TPM3: variants seen among roughly 807,000 people sequenced by gnomAD.
TPM3 encodes the protein tropomyosin 3, also known as tropomyosin alpha-3 chain.
TPM3 carries 16 observed loss-of-function variants against 43.1 expected under a neutral mutation model. That is an observed-to-expected ratio of 0.37 (90% confidence interval 0.25 to 0.56). TPM3 has a LOEUF of 0.56. Ranked by LOEUF, TPM3 falls within the 20% of genes least tolerant of loss-of-function variation. The probability of loss-of-function intolerance (pLI) is 0.77; values close to 1 mark genes in which losing one functional copy is unlikely to be tolerated. For missense variants in TPM3, 176 were observed against 337.2 expected, an observed-to-expected ratio of 0.52 and a Z score of 3.74; for synonymous variants, 101 against 116.9, an observed-to-expected ratio of 0.86 and a Z score of 0.88.
chr1:154,164,922 C>T lies in TPM3; in HGVS notation c.*3015G>A, dbSNP rs1207872451. 6.6e-6 allele frequency among the ~76,000 whole-genome samples: 1 copy of T among 152,226 alleles called. No individual in the cohort carries two copies. The highest frequency in any genetic ancestry group is 1.5e-5 in the Non-Finnish European group (1 of 68,036). ...ATATGTTATTCAGATCACAACATAT[C>T]CTATTCAAAATCTCCAGTGGCATCC... is the stretch of plus-strand genomic sequence containing the variant. On this transcript the variant is annotated 3_prime_UTR_variant, in exon 10 of 10. Coordinates refer to ENST00000651641, the MANE Select transcript of TPM3 (RefSeq NM_152263.4).
chr1:154,159,991 C>CTTTTT (rs60242183), downstream of TPM3, among the ~76,000 whole-genome samples: 2 of 129,866 alleles, frequency 1.5e-5, no homozygotes, highest in Admixed American at 7.8e-5. Context: ...AAGTTATTTC[C>CTTTTT]TTTTTTTTTT....
At position 154,176,182 on chromosome 1, in the gene TPM3, G is replaced by C; in HGVS notation, c.310C>G (p.Gln104Glu). 6.2e-7 allele frequency: 1 copy of C among 1,614,178 alleles called. No homozygotes were observed. The highest frequency in any genetic ancestry group is 8.5e-7 in the Non-Finnish European group (1 of 1,180,040). Reference sequence around the variant, plus strand: ...TGCAGGGCAGTGGCCAGGCGCTCCTGAGCACGGTCCAGCTCTTCTTCAACC... The same window carrying C: ...TGCAGGGCAGTGGCCAGGCGCTCCTCAGCACGGTCCAGCTCTTCTTCAACC... ...QLVEEELDRA[Q>E]ERLATALQKL... is the part of the protein sequence containing the mutation. Residue 104 changes from glutamine to glutamate, a missense_variant, in exon 3 of 10, where the codon CAG becomes GAG. Transcript: ENST00000651641.
At chr1:154,181,927 A>C (rs1662996310) in intron 2 of TPM3, among the ~76,000 whole-genome samples, 1 of 152,174 alleles carries the variant, frequency 6.6e-6, no homozygotes, top group South Asian at 2.1e-4. Context: ...TCTCAAAAAA[A>C]AGAAAGGAAG....
At chr1:154,183,119 T>C (rs1249910343) in intron 2 of TPM3, 1 of 1,598,406 alleles carries the variant, frequency 6.3e-7, no homozygotes, top group South Asian at 1.1e-5. Flanking sequence ...ATCCCAGCCA[T>C]GGTGCCCACC....
chr1:154,174,392 A>G lies in TPM3; in HGVS notation c.378-1191T>C, dbSNP rs183791360. 2.5e-4 allele frequency among the ~76,000 whole-genome samples: 27 copies of G among 108,626 alleles called. 1 individual carries two copies. The highest frequency in any genetic ancestry group is 1.2e-3 in the South Asian group (4 of 3,292). The allele number at this position is 108,626 out of a possible 152,430, so 71.3% of individuals were successfully genotyped here. ...TGTATATATATATATATATATATAT[A>G]TATATATATATATATACACACAAAA... On this transcript the variant is annotated intron_variant, in intron 3 of 9. Transcript: ENST00000651641.
chr1:154,172,817 T>C (rs759432007), intron 5 of TPM3, 91 bp downstream of exon 5: 29 of 1,502,970 alleles, frequency 1.9e-5, no homozygotes, highest in Non-Finnish European at 2.7e-5. Context: ...TTAACAAGGT[T>C]GAAGGAATGC....
chr1:154,188,900 G>A (rs1663538378), intron 2 of TPM3, among the ~76,000 whole-genome samples: 2 of 151,278 alleles, frequency 1.3e-5, no homozygotes, highest in African/African-American at 2.5e-5. Flanking sequence ...AGAGGCCAAG[G>A]TGGGTGGATC....
chr1:154,172,063 T>C, intron 5 of TPM3: 1 of 1,614,194 alleles, frequency 6.2e-7, no homozygotes. Flanking sequence ...CTTCAGGTTC[T>C]GGTCCATCAG....
downstream of TPM3, among the ~76,000 whole-genome samples, chr1:154,158,084 G>A (rs866149394): frequency 4.6e-5 from 7 of 152,128 alleles, no homozygotes; most frequent in East Asian, 7.7e-4. Context: ...ATGGCTCACC[G>A]GAGTTTGAAC....
chr1:154,184,866 ATTGT>A (rs1663332592), intron 2 of TPM3, among the ~76,000 whole-genome samples: 5 of 151,982 alleles, frequency 3.3e-5, no homozygotes, highest in Non-Finnish European at 7.4e-5. Context: ...GTGAGCCAAG[ATTGT>A]ATCACTGCCT....
intron 2 of TPM3, among the ~76,000 whole-genome samples, chr1:154,182,778 A>G (rs766963827): frequency 2.7e-4 from 41 of 151,986 alleles, no homozygotes; most frequent in Non-Finnish European, 5.3e-4. Flanking sequence ...AATTTCTTCA[A>G]AGGTCAAGCC....
chr1:154,158,901 T>C, downstream of TPM3: 1 of 774,298 alleles, frequency 1.3e-6, no homozygotes, highest in South Asian at 1.3e-5. Flanking sequence ...AATCAGCTTT[T>C]TGTTGGGGTC....
Position 154,167,793 on chromosome 1 carries a change from T to C in TPM3, c.*144A>G, listed in dbSNP as rs771216366. 1.4e-5 allele frequency: 22 copies of C among 1,573,424 alleles called. No homozygotes were observed. The highest frequency in any genetic ancestry group is 1.9e-5 in the Non-Finnish European group (22 of 1,158,558). ...AATTTGGGGTGGGGGTGGAAGAAAA[T>C]ACATAAGTTGCTTTTTGCTCCCCCA... On this transcript the variant is annotated 3_prime_UTR_variant, in exon 10 of 10. Transcript: ENST00000651641.
In TPM3 at chr1:154,166,722, C is replaced by A. The variant is rs1485063859; in HGVS notation, c.*1215G>T. The A allele has an allele frequency of 2.0e-6, 2 of 979,878 alleles. No homozygotes were observed. Among genetic ancestry groups the A allele is most frequent in the African/African-American group, 3.6e-5 (2 of 55,590 alleles). The allele number at this position is 979,878 out of a possible 1,614,324, so 60.7% of individuals were successfully genotyped here. A position where few individuals can be genotyped will look rare whatever the true frequency, so the allele number is the denominator to read the frequency against. ...TTTTTGAGATGGAGTCTCTCTGTTG[C>A]CCAGGCTGGAATGCAGTGGCGCGAT... On this transcript the variant is annotated 3_prime_UTR_variant, in exon 10 of 10. Transcript: ENST00000651641.
intron 2 of TPM3, among the ~76,000 whole-genome samples, chr1:154,185,601 T>C (rs1434186694): frequency 2.1e-5 from 3 of 145,366 alleles, no homozygotes; most frequent in Non-Finnish European, 4.5e-5. Flanking sequence ...TCCCAGCCAC[T>C]CGGGAGGCTG....
At position 154,170,641 on chromosome 1, in the gene TPM3, C is replaced by T; in HGVS notation, c.705+8G>A. ...TTGGGTTCTGCCCTATAAATCCCCTCAGCTCACCTCCTTGAGTTTATCAGT... is the reference window on the plus strand; with the variant it reads ...TTGGGTTCTGCCCTATAAATCCCCTTAGCTCACCTCCTTGAGTTTATCAGT... On this transcript the variant is annotated splice_region_variant and intron_variant, in intron 7 of 9. Coordinates refer to ENST00000651641, the MANE Select transcript of TPM3 (RefSeq NM_152263.4). 1 of 1,612,816 alleles carries T rather than the reference C, an allele frequency of 6.2e-7. No homozygotes were observed.
At chr1:154,171,965 A>C in intron 5 of TPM3, 1 of 1,587,786 alleles carries the variant, frequency 6.3e-7, no homozygotes, top group Non-Finnish European at 8.6e-7. Flanking sequence ...GCTGCAAAAC[A>C]AAAACAAAAC....
At chr1:154,184,005 G>A (rs892094465) in intron 2 of TPM3, among the ~76,000 whole-genome samples, 2 of 151,684 alleles carry the variant, frequency 1.3e-5, no homozygotes, top group African/African-American at 4.8e-5. Flanking sequence ...GACTACAGGT[G>A]CACGCCACCC....
chr1:154,183,171 C>T (rs1214759255), intron 2 of TPM3: 7 of 1,596,546 alleles, frequency 4.4e-6, no homozygotes, highest in African/African-American at 1.3e-5. Context: ...CTCCGCTCGG[C>T]GTTGCAGCCT....
Sources: allele counts gnomAD v4.1 joint callset (sites outside exome capture counted in the v4.1 genomes callset), GRCh38; gene constraint gnomAD v4.1.1; transcripts MANE v1.5; gene names NCBI Gene and HGNC (gene_info 2026-07-23, HGNC 2026-07-21).